Variants in ZFP3 observed in about 807,000 individuals in gnomAD.
The protein encoded by ZFP3 is ZFP3 zinc finger protein, also known as zinc finger protein 3 homolog.
Under a neutral mutation model 36.7 loss-of-function variants are expected in ZFP3, and 18 were observed. That is an observed-to-expected ratio of 0.49 (90% CI 0.34 to 0.73). ZFP3 has a LOEUF of 0.73. ZFP3 is among the 30% of genes least tolerant of loss of function. ZFP3 has a pLI of 0.01. For missense variants in ZFP3, 495 were observed against 599.0 expected (o/e 0.83, Z 1.81); for synonymous variants, 218 against 199.0 (o/e 1.10, Z -0.81).
rs1050971076 is a variant in ZFP3, at chr17:5,087,567, T to A, written c.-8-3930T>A. Among the ~76,000 whole-genome samples the A allele has an allele frequency of 1.3e-4, 20 of 152,148 alleles. 1 individual carries two copies. Among genetic ancestry groups the A allele is most frequent in the African/African-American group, 4.8e-4 (20 of 41,416 alleles). ...TTAGGATAATTTGAGGAGGGTTTAT[T>A]TGCAGCGAGGTTAATTATAAATGAT... On this transcript the variant is annotated intron_variant, in intron 1 of 1. Transcript: ENST00000318833.
intron 1 of ZFP3, among the ~76,000 whole-genome samples, chr17:5,082,591 G>A (rs748793088): frequency 5.9e-5 from 9 of 152,132 alleles, no homozygotes; most frequent in Non-Finnish European, 1.3e-4. Flanking sequence ...GCAGTGGTGT[G>A]ATCATAGCTC....
At chr17:5,087,718 A>C (rs1241224375) in intron 1 of ZFP3, among the ~76,000 whole-genome samples, 1 of 152,152 alleles carries the variant, frequency 6.6e-6, no homozygotes, top group African/African-American at 2.4e-5. Context: ...AGTAGGATAG[A>C]GTTGAGAGGA....
chr17:5,091,720 G>T lies in ZFP3; in HGVS notation c.216G>T (p.Gly72=), dbSNP rs767725330. The T allele has an allele frequency of 6.2e-7, 1 of 1,614,208 alleles. No individual in the cohort carries two copies. Among genetic ancestry groups the T allele is most frequent in the Middle Eastern group, 1.6e-4 (1 of 6,062 alleles). ...MSPQERDFPS[G]LMIFKKSPSS... ...CTCAGGAGAGAGACTTTCCATCAGG[G>T]TTGATGATCTTTAAGAAATCACCCT... The change falls in exon 2 of 2, where the codon GGG becomes GGT. Residue 72 remains glycine, a synonymous_variant. Coordinates refer to ENST00000318833, the MANE Select transcript of ZFP3 (RefSeq NM_153018.3).
At chr17:5,079,505 T>C (rs2072082523) in intron 1 of ZFP3, among the ~76,000 whole-genome samples, 1 of 151,892 alleles carries the variant, frequency 6.6e-6, no homozygotes, top group African/African-American at 2.4e-5. Flanking sequence ...AGACCCTGTC[T>C]CAGAAAAAAG....
intron 1 of ZFP3, among the ~76,000 whole-genome samples, chr17:5,079,803 G>A (rs2072083765): frequency 3.3e-5 from 5 of 152,168 alleles, no homozygotes; most frequent in Admixed American, 3.3e-4. Flanking sequence ...ACTTTGGGAG[G>A]CAAAGGTGGG....
chr17:5,079,232 A>G (rs2072081052), intron 1 of ZFP3, among the ~76,000 whole-genome samples: 4 of 152,226 alleles, frequency 2.6e-5, no homozygotes, highest in South Asian at 4.1e-4. Flanking sequence ...CATCAAGAGT[A>G]TTACAGAGGC....
rs79495853 is a variant in ZFP3 at position 5,084,973 on chromosome 17, A to G, written c.-9+6398A>G. Among the ~76,000 whole-genome samples, 1,244 of 152,328 alleles carry G rather than the reference A, an allele frequency of 8.2e-3. 28 individuals carry two copies. The highest frequency in any genetic ancestry group is 0.028 in the African/African-American group (1,162 of 41,574). Reference sequence around the variant, plus strand: ...CATAGAGCAGTATTTGACAAATGACATACTGTGTTGCTGGCAGAATGCAAA... The same window carrying G: ...CATAGAGCAGTATTTGACAAATGACGTACTGTGTTGCTGGCAGAATGCAAA... On this transcript the variant is annotated intron_variant, in intron 1 of 1. Transcript: ENST00000318833.
chr17:5,080,689 C>T (rs1387169364), intron 1 of ZFP3, among the ~76,000 whole-genome samples: 2 of 152,138 alleles, frequency 1.3e-5, no homozygotes, highest in African/African-American at 2.4e-5. Flanking sequence ...ATCCTTCACC[C>T]TCTCTGTAAC....
chr17:5,087,952 G>C (rs2072129606), intron 1 of ZFP3, among the ~76,000 whole-genome samples: 2 of 152,168 alleles, frequency 1.3e-5, no homozygotes, highest in South Asian at 4.1e-4. Context: ...AGAAGATCTA[G>C]AGGGAAAATG....
chr17:5,082,221 T>C (rs1351851131), intron 1 of ZFP3, among the ~76,000 whole-genome samples: 2 of 151,310 alleles, frequency 1.3e-5, no homozygotes, highest in East Asian at 2.0e-4. Context: ...GTGGTGGGCG[T>C]GTGTAATCCC....
At chr17:5,083,283 C>T (rs149779983) in intron 1 of ZFP3, among the ~76,000 whole-genome samples, 149 of 152,220 alleles carry the variant, frequency 9.8e-4, no homozygotes, top group Non-Finnish European at 1.6e-3. Context: ...GTAGGCCGGG[C>T]GCAGTGGCTC....
In ZFP3 at chr17:5,093,524, C is replaced by T. The variant is rs2072162290; in HGVS notation, c.*511C>T. The T allele has an allele frequency of 6.0e-6, 1 of 167,482 alleles. No homozygotes were observed. Among genetic ancestry groups the T allele is most frequent in the South Asian group, 2.1e-4 (1 of 4,838 alleles). 10.4% of individuals were successfully genotyped at this position (167,482 alleles called of 1,614,324 possible). A position where few individuals can be genotyped will look rare whatever the true frequency, so the allele number is the denominator to read the frequency against. On this transcript the variant is annotated 3_prime_UTR_variant, in exon 2 of 2. Coordinates refer to ENST00000318833, the MANE Select transcript of ZFP3 (RefSeq NM_153018.3). The stretch of plus-strand genomic sequence containing the variant: ...TCAGCAAAATTGTGGGAACAGGATT[C>T]CACCACCTCCTAAGAATGAGAGTTG...
chr17:5,081,867 T>G (rs911328452), intron 1 of ZFP3, among the ~76,000 whole-genome samples: 2 of 148,490 alleles, frequency 1.3e-5, no homozygotes, highest in African/African-American at 4.9e-5. Context: ...TCCCAAAGTG[T>G]TGGGATTACA....
chr17:5,085,213 G>T (rs1036157715), intron 1 of ZFP3, among the ~76,000 whole-genome samples: 5 of 151,736 alleles, frequency 3.3e-5, no homozygotes, highest in African/African-American at 4.8e-5. Flanking sequence ...CTAATTTTTT[G>T]TGTGTTTTTT....
At chr17:5,081,803 G>A (rs868079410) in intron 1 of ZFP3, among the ~76,000 whole-genome samples, 4 of 150,686 alleles carry the variant, frequency 2.7e-5, no homozygotes, top group East Asian at 2.0e-4. Context: ...GGGTTTCACC[G>A]TAATAGGCAG....
At chr17:5,086,289 G>T (rs1467618604) in intron 1 of ZFP3, among the ~76,000 whole-genome samples, 3 of 152,134 alleles carry the variant, frequency 2.0e-5, no homozygotes, top group Non-Finnish European at 4.4e-5. Context: ...GACTAGAGGT[G>T]CCCGAGCCGG....
intron 1 of ZFP3, among the ~76,000 whole-genome samples, chr17:5,080,519 C>G (rs1304641793): frequency 6.6e-6 from 1 of 152,082 alleles, no homozygotes; most frequent in African/African-American, 2.4e-5. Flanking sequence ...AGTTGACATC[C>G]AAAACATTTC....
intron 1 of ZFP3, among the ~76,000 whole-genome samples, chr17:5,082,197 A>C (rs1303796227): frequency 6.6e-6 from 1 of 151,782 alleles, no homozygotes; most frequent in East Asian, 2.0e-4. Flanking sequence ...AATATAAAAA[A>C]TTAGCCGGGC....
chr17:5,089,410 T>C (rs926969457), intron 1 of ZFP3, among the ~76,000 whole-genome samples: 23 of 152,228 alleles, frequency 1.5e-4, no homozygotes, highest in African/African-American at 5.3e-4. Flanking sequence ...GGAGATTTCC[T>C]AGTAGTCCCA....
Sources: gnomAD v4.1 joint callset for allele counts (sites outside exome capture counted in the v4.1 genomes callset) on GRCh38, gnomAD v4.1.1 for gene constraint, MANE v1.5 for transcripts, NCBI Gene and HGNC (gene_info 2026-07-23, HGNC 2026-07-21) for gene names.